GLRB: variants seen among roughly 807,000 people sequenced by gnomAD.
GLRB encodes glycine receptor beta.
In GLRB, 33 loss-of-function variants were observed where a neutral mutation model predicts 54.2. The observed-to-expected ratio is 0.61, with a 90% CI of 0.46 to 0.81. The LOEUF is 0.81. Ranked by LOEUF, GLRB falls within the 40% of genes least tolerant of loss-of-function variation. The probability of loss-of-function intolerance (pLI) is 0.00; values close to 1 mark genes in which losing one functional copy is unlikely to be tolerated. For synonymous variants in GLRB, 209 were observed against 208.2 expected (o/e 1.00, Z -0.03); for missense variants, 572 against 584.6 (o/e 0.98, Z 0.22).
chr4:157,114,478 T>C (rs1187736881), intron 2 of GLRB, among the ~76,000 whole-genome samples: 1 of 151,856 alleles, frequency 6.6e-6, no homozygotes, highest in Non-Finnish European at 1.5e-5. Context: ...AGTATGGTGC[T>C]TTTATTTATT....
intron 3 of GLRB, 41 bp from the exon 4 acceptor site, chr4:157,122,289 T>G (rs544765749): frequency 2.4e-6 from 2 of 819,956 alleles, no homozygotes; most frequent in Non-Finnish European, 4.0e-6. Context: ...CTGACCAAGT[T>G]TTTTACAGCT....
At chr4:157,162,644 A>G (rs1737550352) in intron 9 of GLRB, among the ~76,000 whole-genome samples, 1 of 152,108 alleles carries the variant, frequency 6.6e-6, no homozygotes, top group Admixed American at 6.6e-5. Flanking sequence ...GAGGCTGCAG[A>G]GCAGCAAATA....
chr4:157,112,626 G>T (rs186800324), intron 2 of GLRB, among the ~76,000 whole-genome samples: 49 of 152,036 alleles, frequency 3.2e-4, no homozygotes, highest in African/African-American at 1.1e-3. Flanking sequence ...TTAAACACAG[G>T]AACAGTGGGG....
At chr4:157,109,917 C>T (rs987514781) in intron 2 of GLRB, among the ~76,000 whole-genome samples, 1 of 151,974 alleles carries the variant, frequency 6.6e-6, no homozygotes, top group Non-Finnish European at 1.5e-5. Context: ...TCTGGGTACA[C>T]CATCCTTTAC....
At chr4:157,142,595 A>C (rs1736657410) in intron 7 of GLRB, among the ~76,000 whole-genome samples, 1 of 152,154 alleles carries the variant, frequency 6.6e-6, no homozygotes, top group Admixed American at 6.5e-5. Context: ...TTAATGAATA[A>C]ATATGTAGAT....
chr4:157,081,769 T>C (rs1443361747), intron 2 of GLRB, among the ~76,000 whole-genome samples: 1 of 152,204 alleles, frequency 6.6e-6, no homozygotes, highest in Non-Finnish European at 1.5e-5. Flanking sequence ...ATATGCCACA[T>C]TGACCTTACC....
chr4:157,161,696 A>G (rs1398759135), intron 9 of GLRB, among the ~76,000 whole-genome samples: 3 of 152,166 alleles, frequency 2.0e-5, no homozygotes, highest in Non-Finnish European at 4.4e-5. Flanking sequence ...CTGCCAAGAG[A>G]TCCGCTGTTA....
chr4:157,122,202 C>T (rs1298810901), intron 3 of GLRB, 128 bp from the exon 4 acceptor site: 5 of 479,392 alleles, frequency 1.0e-5, no homozygotes, highest in Middle Eastern at 5.8e-4. Flanking sequence ...ATACTGAGAC[C>T]ATAGATTTTT....
At chr4:157,154,423 C>CTTTTT (rs778002566) in intron 9 of GLRB, among the ~76,000 whole-genome samples, 10 of 103,454 alleles carry the variant, frequency 9.7e-5, no homozygotes, top group Non-Finnish European at 1.4e-4. Context: ...CTTCTTTTTC[C>CTTTTT]TTTTTTTTTT....
At chr4:157,162,401 A>G (rs1445786121) in intron 9 of GLRB, among the ~76,000 whole-genome samples, 1 of 152,116 alleles carries the variant, frequency 6.6e-6, no homozygotes, top group Non-Finnish European at 1.5e-5. Flanking sequence ...ATTTCTTTGG[A>G]GGAGAAGAGG....
intron 9 of GLRB, among the ~76,000 whole-genome samples, chr4:157,158,735 C>G (rs953175204): frequency 1.3e-5 from 2 of 152,104 alleles, no homozygotes; most frequent in Non-Finnish European, 2.9e-5. Flanking sequence ...GTTACTGTAG[C>G]CTTGTAGTAG....
At chr4:157,169,244 A>G (rs1737829031) in intron 9 of GLRB, among the ~76,000 whole-genome samples, 1 of 152,134 alleles carries the variant, frequency 6.6e-6, no homozygotes, top group South Asian at 2.1e-4. Flanking sequence ...AATTGAGTAA[A>G]TGTCAATAGT....
chr4:157,134,360 C>T (rs1354940984), intron 4 of GLRB, among the ~76,000 whole-genome samples: 1 of 151,854 alleles, frequency 6.6e-6, no homozygotes, highest in Non-Finnish European at 1.5e-5. Context: ...CTTTCGAGAC[C>T]AGCCAGGCCA....
rs72978498 is a variant in GLRB at position 157,098,473 on chromosome 4, G to A, written c.122+20327G>A. Among the ~76,000 whole-genome samples the A allele has an allele frequency of 4.3e-3, 653 of 152,230 alleles. 6 individuals are homozygous for A. Among genetic ancestry groups the A allele is most frequent in the African/African-American group, 0.015 (610 of 41,530 alleles). ...TGAGTCTGGAAGGAACCAGCTGCTGGGGAGTGGGATGAGCAGGTACCATGA... is the reference window on the plus strand; with the variant it reads ...TGAGTCTGGAAGGAACCAGCTGCTGAGGAGTGGGATGAGCAGGTACCATGA... On this transcript the variant is annotated intron_variant, in intron 2 of 9. Coordinates refer to ENST00000264428, the MANE Select transcript of GLRB (RefSeq NM_000824.5).
intron 2 of GLRB, among the ~76,000 whole-genome samples, chr4:157,083,020 A>G (rs868090929): frequency 1.3e-4 from 19 of 150,044 alleles, no homozygotes; most frequent in African/African-American, 4.4e-4. Context: ...GTATTTTAAG[A>G]AAGACATTCT....
chr4:157,102,853 A>G lies in GLRB; in HGVS notation c.123-17703A>G, dbSNP rs541207386. ...AGACTTGGCATTTAAATGTGTTACAATTAGGTTCTCTATGTCAAAAGGTGA... is the reference window on the plus strand; with the variant it reads ...AGACTTGGCATTTAAATGTGTTACAGTTAGGTTCTCTATGTCAAAAGGTGA... On this transcript the variant is annotated intron_variant, in intron 2 of 9. Coordinates refer to ENST00000264428, the MANE Select transcript of GLRB (RefSeq NM_000824.5). Among the ~76,000 whole-genome samples, 336 of 152,292 alleles carry G rather than the reference A, an allele frequency of 2.2e-3. 1 individual carries two copies. The highest frequency in any genetic ancestry group is 7.7e-3 in the African/African-American group (321 of 41,580).
At position 157,152,941 on chromosome 4, in the gene GLRB, A is replaced by T; in HGVS notation, c.1128A>T (p.Lys376Asn). Residue 376 changes from lysine to asparagine, a missense_variant, in exon 9 of 10, where the codon AAA (lysine) becomes AAT (asparagine). Physicochemically the swap from Lys to Asn is moderately conservative, Grantham distance 94. Transcript: ENST00000264428. ...RIAKAEQADG[K>N]GGNVAKKNTV... ...CTAAGGCTGAGCAAGCAGATGGAAA[A>T]GGTGGAAATGTGGCTAAAAAGAATA... 6.2e-7 allele frequency: 1 copy of T among 1,613,980 alleles called. No homozygotes were observed. The highest frequency in any genetic ancestry group is 1.7e-4 in the Middle Eastern group (1 of 6,060).
chr4:157,125,301 A>T (rs1428942084), intron 4 of GLRB, among the ~76,000 whole-genome samples: 1 of 151,858 alleles, frequency 6.6e-6, no homozygotes, highest in Non-Finnish European at 1.5e-5. Flanking sequence ...TTGTCTATAT[A>T]TAAGATGCAC....
chr4:157,079,334 A>G (rs1734147390), intron 2 of GLRB, among the ~76,000 whole-genome samples: 1 of 152,216 alleles, frequency 6.6e-6, no homozygotes, highest in South Asian at 2.1e-4. Context: ...TTATGGTTTT[A>G]CAGATGTTCC....
Sources: gnomAD v4.1 joint callset for allele counts (sites outside exome capture counted in the v4.1 genomes callset) on GRCh38, gnomAD v4.1.1 for gene constraint, MANE v1.5 for transcripts, NCBI Gene and HGNC (gene_info 2026-07-23, HGNC 2026-07-21) for gene names.